The following MAX variants were observed in gnomAD, a reference collection of about 807,000 sequenced individuals.
MAX encodes protein max.
MAX carries 3 observed loss-of-function variants against 22.3 expected under a neutral mutation model. That is an observed-to-expected ratio of 0.13 (90% CI 0.06 to 0.35). MAX has a LOEUF of 0.35. Ranked by LOEUF, MAX falls within the 10% of genes least tolerant of loss-of-function variation. The probability of loss-of-function intolerance (pLI) is 1.00; values close to 1 mark genes in which losing one functional copy is unlikely to be tolerated. For synonymous variants in MAX, 72 were observed against 77.7 expected, an observed-to-expected ratio of 0.93 and a Z score of 0.39; for missense variants, 119 against 209.4, an observed-to-expected ratio of 0.57 and a Z score of 2.66.
intron 3 of MAX, among the ~76,000 whole-genome samples, chr14:65,056,450 A>G (rs1346757615): frequency 6.6e-6 from 1 of 152,172 alleles, no homozygotes; most frequent in Non-Finnish European, 1.5e-5. Flanking sequence ...TTTGATAGAT[A>G]CCTCTGTAAC....
chr14:65,053,626 T>C (rs2296315), intron 3 of MAX, among the ~76,000 whole-genome samples: 2 of 144,324 alleles, frequency 1.4e-5, no homozygotes, highest in South Asian at 4.3e-4. Flanking sequence ...TTCTTTTTTT[T>C]AAAAAAAACA....
intron 3 of MAX, among the ~76,000 whole-genome samples, chr14:65,083,088 C>T (rs1203048921): frequency 6.6e-6 from 1 of 152,160 alleles, no homozygotes; most frequent in Admixed American, 6.5e-5. Context: ...GAGGGTCTGC[C>T]AGGTTCCTGT....
chr14:65,042,833 C>G (rs933516333), intron 3 of MAX, among the ~76,000 whole-genome samples: 1 of 152,190 alleles, frequency 6.6e-6, no homozygotes, highest in African/African-American at 2.4e-5. Flanking sequence ...TTCTCTCTGC[C>G]TGAGTAATGC....
intron 3 of MAX, among the ~76,000 whole-genome samples, chr14:65,033,878 A>G (rs749087199): frequency 3.3e-5 from 5 of 152,212 alleles, no homozygotes; most frequent in African/African-American, 9.6e-5. Flanking sequence ...CAAAAGGTAT[A>G]GTAGACACAT....
At position 65,028,180 on chromosome 14, in the gene MAX, GA is replaced by G. The variant is rs1190260340; in HGVS notation, c.172-21897del. Among the ~76,000 whole-genome samples, 2 of 152,216 alleles carry G rather than the reference GA, an allele frequency of 1.3e-5. No homozygotes were observed. The highest frequency in any genetic ancestry group is 4.8e-5 in the African/African-American group (2 of 41,450). On this transcript the variant is annotated intron_variant, in intron 3 of 3. Coordinates refer to the MAX transcript ENST00000341653. This position sits in a 1 kb window ranked among gnomAD's most constrained non-coding sequence, Gnocchi z 4.4. ...TTCTGAGTGAATTTGATGAAATCAT[GA>G]GAATGTCTAATCCCTGAGGTCCTCC...
Position 65,027,808 on chromosome 14 carries a change from A to C in MAX, c.172-21524T>G, listed in dbSNP as rs933830651. ...TGAGTGGGGTTTTGCACAGGCTGCC[A>C]CATCAGTTGACTCTAGAGCTCATCT... On this transcript the variant is annotated intron_variant, in intron 3 of 3. Coordinates refer to the MAX transcript ENST00000341653. The surrounding 1 kb of genome is among the most constrained non-coding windows in gnomAD (Gnocchi z 5.7). The C allele has an allele frequency of 6.8e-6, 11 of 1,613,632 alleles. No individual in the cohort carries two copies. Among genetic ancestry groups the C allele is most frequent in the Non-Finnish European group, 7.6e-6 (9 of 1,179,894 alleles).
chr14:65,041,448 G>A (rs2062350730), intron 3 of MAX, among the ~76,000 whole-genome samples: 1 of 152,044 alleles, frequency 6.6e-6, no homozygotes, highest in Non-Finnish European at 1.5e-5. Context: ...TCAGCTTCAG[G>A]GAGTCACTAG....
intron 3 of MAX, among the ~76,000 whole-genome samples, chr14:65,019,800 C>T (rs1001625147): frequency 6.6e-6 from 1 of 152,182 alleles, no homozygotes; most frequent in Non-Finnish European, 1.5e-5. Flanking sequence ...ATGAACAAAG[C>T]CTACTGGCTC....
At chr14:65,017,069 C>T (rs1378379456) in intron 3 of MAX, among the ~76,000 whole-genome samples, 1 of 151,792 alleles carries the variant, frequency 6.6e-6, no homozygotes, top group African/African-American at 2.4e-5. Context: ...ATTACAGGCA[C>T]CCACCACCGT....
chr14:65,100,082 C>T (rs1008706251), intron 2 of MAX, among the ~76,000 whole-genome samples: 3 of 152,198 alleles, frequency 2.0e-5, no homozygotes, highest in African/African-American at 7.2e-5. Context: ...AACAAGCCCC[C>T]AAACAGTTGT....
At chr14:65,066,077 G>T (rs1467755371) in intron 3 of MAX, among the ~76,000 whole-genome samples, 2 of 152,218 alleles carry the variant, frequency 1.3e-5, no homozygotes, top group African/African-American at 4.8e-5. Context: ...AAACATGCTT[G>T]GTTTACCTCT....
rs1471231534 is a variant in MAX at position 65,084,170 on chromosome 14, C to A, written c.172-6134G>T. 1.2e-6 allele frequency: 2 copies of A among 1,613,514 alleles called. No homozygotes were observed. The highest frequency in any genetic ancestry group is 1.3e-5 in the African/African-American group (1 of 75,020). On this transcript the variant is annotated intron_variant, in intron 3 of 4. Coordinates refer to ENST00000358664, the MANE Select transcript of MAX (RefSeq NM_002382.5). This position sits in a 1 kb window ranked among gnomAD's most constrained non-coding sequence, Gnocchi z 4.3. ...AAGACATTTGTGTAAGGGGTCAAAACAATCATTTTTTAAATCTTGCATTCT... is the reference window on the plus strand; with the variant it reads ...AAGACATTTGTGTAAGGGGTCAAAAAAATCATTTTTTAAATCTTGCATTCT...
intron 3 of MAX, among the ~76,000 whole-genome samples, chr14:65,067,239 G>C (rs1381001539): frequency 1.3e-5 from 2 of 151,220 alleles, no homozygotes; most frequent in Non-Finnish European, 2.9e-5. Flanking sequence ...GTTTGAGATT[G>C]ACAGAAAAAT....
chr14:65,046,009 C>T lies in MAX; in HGVS notation c.172-39725G>A, dbSNP rs563271309. On this transcript the variant is annotated intron_variant, in intron 3 of 3. Transcript: ENST00000341653. ...ATTTTAGTATTATTTTTTTTTGAGA[C>T]GGAGTTTCACTCTTGTTGCCCAGGC... is the stretch of plus-strand genomic sequence containing the variant. Among the ~76,000 whole-genome samples, 40 of 152,084 alleles carry T rather than the reference C, an allele frequency of 2.6e-4. 1 individual carries two copies. In the South Asian group the frequency reaches 5.0e-3, roughly 19 times the overall value.
chr14:65,074,474 T>C (rs1228954474), downstream of MAX, among the ~76,000 whole-genome samples: 1 of 152,208 alleles, frequency 6.6e-6, no homozygotes, highest in East Asian at 1.9e-4. Flanking sequence ...TCTCCACCAC[T>C]CTAAAGATGG....
intron 3 of MAX, among the ~76,000 whole-genome samples, chr14:65,046,255 C>T (rs1227861714): frequency 1.3e-5 from 2 of 152,156 alleles, no homozygotes; most frequent in East Asian, 1.9e-4. Flanking sequence ...GGATTACAGG[C>T]GTGAGCCACC....
At chr14:65,075,061 G>A, downstream of MAX, 1 of 1,010,504 alleles carries the variant, frequency 9.9e-7, no homozygotes, top group Non-Finnish European at 1.2e-6. This position sits in a 1 kb window ranked among gnomAD's most constrained non-coding sequence, Gnocchi z 4.1. Flanking sequence ...GGCCCTAACA[G>A]CTTCCAGAGG....
chr14:65,059,844 T>C (rs1282794019), intron 3 of MAX, among the ~76,000 whole-genome samples: 1 of 150,250 alleles, frequency 6.7e-6, no homozygotes, highest in African/African-American at 2.4e-5. Flanking sequence ...TTTCTTTTTT[T>C]TTTTTTTTTG....
At chr14:65,101,639 TAAGA>T in intron 1 of MAX, 67 bp from the exon 2 acceptor site, 3 of 1,257,610 alleles carry the variant, frequency 2.4e-6, no homozygotes, top group Non-Finnish European at 3.4e-6. Context: ...CATTCAATAA[TAAGA>T]AAGAAAATGC....
Sources: allele counts gnomAD v4.1 joint callset (sites outside exome capture counted in the v4.1 genomes callset), GRCh38; gene constraint gnomAD v4.1.1; non-coding constraint Gnocchi (gnomAD v3.1); transcripts MANE v1.5; gene names NCBI Gene and HGNC (gene_info 2026-07-23, HGNC 2026-07-21).